The following USH2A variants were observed in gnomAD, a reference collection of about 807,000 sequenced individuals.
The protein encoded by USH2A is usherin, also known as Usher syndrome 2A (autosomal recessive, mild).
Under a neutral mutation model 538.9 loss-of-function variants are expected in USH2A, and 443 were observed. The observed-to-expected ratio is 0.82, with a 90% confidence interval of 0.76 to 0.89. USH2A has a LOEUF of 0.89. USH2A is among the 40% of genes least tolerant of loss of function. USH2A has a pLI of 0.00. For missense variants in USH2A, 6,633 were observed against 6,324.8 expected, an observed-to-expected ratio of 1.05 and a Z score of -1.65; for synonymous variants, 2,413 against 2,273.5, an observed-to-expected ratio of 1.06 and a Z score of -1.75.
intron 35 of USH2A, among the ~76,000 whole-genome samples, chr1:215,978,776 C>A (rs939523322): frequency 6.6e-6 from 1 of 152,104 alleles, no homozygotes; most frequent in Non-Finnish European, 1.5e-5. Flanking sequence ...CTTCCACATA[C>A]GGTAGTGGGG....
At chr1:216,231,801 C>T in intron 14 of USH2A, 152 bp downstream of exon 14, 1 of 863,092 alleles carries the variant, frequency 1.2e-6, no homozygotes, top group Non-Finnish European at 1.9e-6. Context: ...GATCCGCCTG[C>T]CTTGGTCTCT....
chr1:216,153,140 C>G (rs1305096650), intron 21 of USH2A, among the ~76,000 whole-genome samples: 1 of 152,192 alleles, frequency 6.6e-6, no homozygotes, highest in Non-Finnish European at 1.5e-5. Flanking sequence ...AAATCCCCCA[C>G]ATTTACCATC....
chr1:216,365,897 C>A (rs1455622491), intron 3 of USH2A, among the ~76,000 whole-genome samples: 1 of 152,108 alleles, frequency 6.6e-6, no homozygotes, highest in Non-Finnish European at 1.5e-5. Flanking sequence ...CAGGTTGTAG[C>A]TTGATAACTC....
At chr1:215,980,028 T>C (rs965617502) in intron 35 of USH2A, among the ~76,000 whole-genome samples, 2 of 152,198 alleles carry the variant, frequency 1.3e-5, no homozygotes, top group African/African-American at 4.8e-5. Flanking sequence ...GAATTAAAGA[T>C]ACATGGAATC....
Position 215,900,113 on chromosome 1 carries a change from G to A in USH2A, c.7556C>T (p.Ala2519Val). 1 of 1,613,714 alleles carries A rather than the reference G, an allele frequency of 6.2e-7. No homozygotes were observed. The highest frequency in any genetic ancestry group is 8.5e-7 in the Non-Finnish European group (1 of 1,179,780). The change falls in exon 40 of 72, where the codon GCA (alanine) becomes GTA (valine). Residue 2519 changes from alanine to valine, a missense_variant. Physicochemically the swap from Ala to Val is moderately conservative, Grantham distance 64 (BLOSUM62 0). Transcript: ENST00000307340. ...CATGAATGGAATCCAAGAACTATGT[G>A]CACTGCCAAATCCATTGGAGGCAAC... ...RLVASNGFGS[A>V]HSSWIPFMTA...
At position 215,993,000 on chromosome 1, in the gene USH2A, G is replaced by C. The variant is rs747837029; in HGVS notation, c.6805+20C>G. ...TTTGCTAATCATCTTTTTAACTTGAGGCTAAAAGAGTTCACTTACCATTCG... is the reference window on the plus strand; with the variant it reads ...TTTGCTAATCATCTTTTTAACTTGACGCTAAAAGAGTTCACTTACCATTCG... On this transcript the variant is annotated intron_variant, in intron 35 of 71. Coordinates refer to ENST00000307340, the MANE Select transcript of USH2A (RefSeq NM_206933.4). 7 of 1,613,782 alleles carry C rather than the reference G, an allele frequency of 4.3e-6. No individual in the cohort carries two copies. In the Admixed American group the frequency reaches 8.3e-5, roughly 19 times the overall value.
chr1:215,913,593 A>G (rs1220809539), intron 38 of USH2A, among the ~76,000 whole-genome samples: 2 of 152,146 alleles, frequency 1.3e-5, no homozygotes, highest in Non-Finnish European at 2.9e-5. Context: ...TTCCATCAAT[A>G]TTTTAAGCAC....
intron 38 of USH2A, among the ~76,000 whole-genome samples, chr1:215,908,440 C>CAGTTTAGTTTTAAAAG (rs1234979845): frequency 6.6e-6 from 1 of 151,724 alleles, no homozygotes; most frequent in Non-Finnish European, 1.5e-5. Flanking sequence ...AAACAGAACT[C>CAGTTTAGTTTTAAAAG]TTTTAAAAGT....
At chr1:215,936,528 G>T (rs540776292) in intron 37 of USH2A, among the ~76,000 whole-genome samples, 1 of 152,168 alleles carries the variant, frequency 6.6e-6, no homozygotes, top group South Asian at 2.1e-4. Flanking sequence ...TTACATTGCA[G>T]TGCTATTGTG....
At position 216,276,823 on chromosome 1, in the gene USH2A, C is replaced by A. The variant is rs569072743; in HGVS notation, c.1971+12457G>T. ...GACTCATTCATTATCACAAGAACAGCACAGGAAAGACCTGCCCCCATGATT... is the reference window on the plus strand; with the variant it reads ...GACTCATTCATTATCACAAGAACAGAACAGGAAAGACCTGCCCCCATGATT... On this transcript the variant is annotated intron_variant, in intron 11 of 71. Coordinates refer to ENST00000307340, the MANE Select transcript of USH2A (RefSeq NM_206933.4). Among the ~76,000 whole-genome samples the A allele has an allele frequency of 1.3e-3, 199 of 152,116 alleles. 10 individuals carry two copies. In the South Asian group the frequency reaches 0.04, roughly 31 times the overall value.
At chr1:216,422,782 C>T (rs1457366419) in intron 1 of USH2A, among the ~76,000 whole-genome samples, 2 of 151,508 alleles carry the variant, frequency 1.3e-5, no homozygotes, top group Non-Finnish European at 2.9e-5. Flanking sequence ...ACCAGTTATA[C>T]ATAAATATTT....
intron 11 of USH2A, among the ~76,000 whole-genome samples, chr1:216,285,899 T>C (rs2036873962): frequency 6.6e-6 from 1 of 152,224 alleles, no homozygotes; most frequent in Non-Finnish European, 1.5e-5. Context: ...GGCCAATTTC[T>C]CCTATTTGGA....
intron 40 of USH2A, among the ~76,000 whole-genome samples, chr1:215,899,024 A>G (rs1343725522): frequency 1.3e-5 from 2 of 152,204 alleles, no homozygotes; most frequent in Non-Finnish European, 2.9e-5. Flanking sequence ...ATTATTGCTC[A>G]TAAAGGTGGC....
At chr1:216,185,806 T>C (rs1482257084) in intron 20 of USH2A, among the ~76,000 whole-genome samples, 1 of 151,958 alleles carries the variant, frequency 6.6e-6, no homozygotes, top group Non-Finnish European at 1.5e-5. Flanking sequence ...TATTCAGATG[T>C]TTTGTTTTGG....
chr1:216,111,565 C>T (rs2032870898), intron 21 of USH2A, among the ~76,000 whole-genome samples: 1 of 151,724 alleles, frequency 6.6e-6, no homozygotes, highest in Non-Finnish European at 1.5e-5. Context: ...TGATATGACT[C>T]AGTTTAAAAA....
At chr1:215,792,698 G>A (rs1193925670) in intron 50 of USH2A, among the ~76,000 whole-genome samples, 1 of 152,208 alleles carries the variant, frequency 6.6e-6, no homozygotes, top group Non-Finnish European at 1.5e-5. Context: ...GCATGAATGA[G>A]CTGCAAATTC....
rs1656894493 is a variant in USH2A at position 215,647,562 on chromosome 1, A to C, written c.14751T>G (p.Ser4917Arg). Residue 4917 changes from serine (S) to arginine (R), a missense_variant, in exon 67 of 72, where the codon AGT (serine) becomes AGG (arginine). Ser to Arg is a moderately radical substitution (Grantham distance 110, BLOSUM62 -1). Transcript: ENST00000307340. ...LRVVAHNEVG[S>R]TASEWISFTT... ...TGAAACTGATCCACTCGGAAGCCGT[A>C]CTGCCCACCTCGTTGTGTGCCACCA... 4.3e-6 allele frequency: 7 copies of C among 1,614,056 alleles called. No homozygotes were observed. The highest frequency in any genetic ancestry group is 2.2e-5 in the South Asian group (2 of 91,088).
At chr1:216,096,974 A>T (rs2032455144) in intron 22 of USH2A, 109 bp downstream of exon 22, 1 of 1,170,038 alleles carries the variant, frequency 8.5e-7, no homozygotes, top group Non-Finnish European at 1.2e-6. Context: ...AATAGTACTT[A>T]CCTTACAAGG....
chr1:216,323,329 C>T (rs2037655481), intron 8 of USH2A, 145 bp downstream of exon 8: 2 of 587,132 alleles, frequency 3.4e-6, no homozygotes, highest in African/African-American at 3.8e-5. Flanking sequence ...AAAAGACTCA[C>T]ATACAGATCT....
Sources: allele counts gnomAD v4.1 joint callset (sites outside exome capture counted in the v4.1 genomes callset), GRCh38; gene constraint gnomAD v4.1.1; transcripts MANE v1.5; gene names NCBI Gene and HGNC (gene_info 2026-07-23, HGNC 2026-07-21).